The following PTPRG variants were observed in gnomAD, a reference collection of about 807,000 sequenced individuals.
PTPRG encodes the protein protein tyrosine phosphatase receptor type G.
A neutral mutation model predicts 165.3 loss-of-function variants in PTPRG; 102 were observed. The ratio of observed to expected loss-of-function variants is 0.62; its 90% CI spans 0.53 to 0.73. The LOEUF (loss-of-function observed/expected upper bound fraction) is 0.73, where lower values mean the gene tolerates loss of function less well. PTPRG is among the 30% of genes least tolerant of loss of function. The probability of loss-of-function intolerance (pLI) is 0.00; values close to 1 mark genes in which losing one functional copy is unlikely to be tolerated. For missense variants in PTPRG, 1,866 were observed against 1,861.4 expected (o/e 1.00, Z -0.05); for synonymous variants, 675 against 669.5 (o/e 1.01, Z -0.13).
intron 2 of PTPRG, among the ~76,000 whole-genome samples, chr3:61,865,773 T>C (rs2037389359): frequency 6.6e-6 from 1 of 152,196 alleles, no homozygotes; most frequent in African/African-American, 2.4e-5. Flanking sequence ...AGAAAATGTA[T>C]TTCCTCTGAT....
intron 1 of PTPRG, among the ~76,000 whole-genome samples, chr3:61,595,109 A>G (rs114192818): frequency 1.9e-3 from 296 of 152,230 alleles, no homozygotes; most frequent in African/African-American, 6.8e-3. Flanking sequence ...CTGTCTGGAC[A>G]TGCTGCATGT....
chr3:62,106,825 A>G (rs756487964), intron 5 of PTPRG, among the ~76,000 whole-genome samples: 10 of 152,156 alleles, frequency 6.6e-5, no homozygotes, highest in Non-Finnish European at 1.2e-4. Context: ...TTTTAATTGT[A>G]TCTATTTCCA....
intron 2 of PTPRG, among the ~76,000 whole-genome samples, chr3:61,852,963 A>T (rs1194773844): frequency 6.6e-6 from 1 of 152,180 alleles, no homozygotes; most frequent in Non-Finnish European, 1.5e-5. Flanking sequence ...TGCCTACCTG[A>T]CATCCATGTC....
chr3:61,879,659 G>A (rs2037833159), intron 2 of PTPRG, among the ~76,000 whole-genome samples: 1 of 152,146 alleles, frequency 6.6e-6, no homozygotes, highest in South Asian at 2.1e-4. Flanking sequence ...ACAAGAGCAT[G>A]TCATCTGTGA....
intron 1 of PTPRG, among the ~76,000 whole-genome samples, chr3:61,706,387 T>A (rs188740966): frequency 2.6e-3 from 395 of 152,186 alleles, no homozygotes; most frequent in African/African-American, 8.6e-3. Flanking sequence ...TTTTTTTTTT[T>A]ATAACATGTA....
chr3:62,177,429 C>T (rs765188839), intron 8 of PTPRG, among the ~76,000 whole-genome samples: 5 of 152,196 alleles, frequency 3.3e-5, no homozygotes, highest in Non-Finnish European at 7.3e-5. Flanking sequence ...TGTAGGTCAG[C>T]AATAGCTTCT....
intron 2 of PTPRG, among the ~76,000 whole-genome samples, chr3:61,815,436 T>G (rs747961994): frequency 2.0e-5 from 3 of 152,016 alleles, no homozygotes; most frequent in Non-Finnish European, 4.4e-5. Flanking sequence ...AAAAGAAATC[T>G]TATTGTTTCA....
Position 61,752,056 on chromosome 3 carries a change from C to T in PTPRG, c.190+3074C>T, listed in dbSNP as rs139110944. On this transcript the variant is annotated intron_variant, in intron 2 of 29. Coordinates refer to ENST00000474889, the MANE Select transcript of PTPRG (RefSeq NM_002841.4). ...GTAAAGTAAGTAGTTAATATTACTT[C>T]TTGCTTATTTTTGAGACTGTTATTA... Among the ~76,000 whole-genome samples the T allele has an allele frequency of 5.9e-5, 9 of 151,976 alleles. No homozygotes were observed. In the East Asian group the frequency reaches 1.4e-3, roughly 23 times the overall value.
At chr3:61,726,818 C>T (rs1011336014) in intron 1 of PTPRG, among the ~76,000 whole-genome samples, 3 of 152,096 alleles carry the variant, frequency 2.0e-5, no homozygotes, top group South Asian at 2.1e-4. Flanking sequence ...GAGGCCGAGG[C>T]GGGCGGATCA....
chr3:61,725,581 C>A (rs991965888), intron 1 of PTPRG, among the ~76,000 whole-genome samples: 1 of 152,040 alleles, frequency 6.6e-6, no homozygotes, highest in Non-Finnish European at 1.5e-5. Context: ...TGAATCTCAG[C>A]CTATACCACA....
intron 1 of PTPRG, among the ~76,000 whole-genome samples, chr3:61,731,474 G>A (rs1164487350): frequency 6.6e-6 from 1 of 150,426 alleles, no homozygotes; most frequent in South Asian, 2.1e-4. Context: ...TCAGCCTCCC[G>A]AGTAGCTGGG....
intron 2 of PTPRG, among the ~76,000 whole-genome samples, chr3:61,869,208 G>C (rs1327012206): frequency 1.3e-5 from 2 of 152,158 alleles, no homozygotes; most frequent in South Asian, 2.1e-4. Flanking sequence ...TCTACCTAGA[G>C]ATTGCCAACT....
intron 2 of PTPRG, among the ~76,000 whole-genome samples, chr3:61,844,049 C>T (rs1285915644): frequency 2.6e-5 from 4 of 151,252 alleles, no homozygotes; most frequent in Non-Finnish European, 4.4e-5. Context: ...CTGCAAATTC[C>T]GCCTCCCGGT....
At chr3:61,614,143 G>C (rs1701247401) in intron 1 of PTPRG, among the ~76,000 whole-genome samples, 1 of 152,056 alleles carries the variant, frequency 6.6e-6, no homozygotes, top group South Asian at 2.1e-4. Context: ...TTCGCCTGTT[G>C]TTCCTCACTC....
At chr3:61,858,418 T>C (rs1224854647) in intron 2 of PTPRG, among the ~76,000 whole-genome samples, 3 of 152,224 alleles carry the variant, frequency 2.0e-5, no homozygotes, top group Non-Finnish European at 4.4e-5. Flanking sequence ...CTAATTTTAT[T>C]TTTAAAAATG....
chr3:61,885,834 C>T (rs928170649), intron 2 of PTPRG, among the ~76,000 whole-genome samples: 2 of 148,462 alleles, frequency 1.3e-5, no homozygotes, highest in African/African-American at 5.0e-5. Flanking sequence ...GCATGTGTCA[C>T]CTCACCTTTC....
intron 5 of PTPRG, among the ~76,000 whole-genome samples, chr3:62,092,851 C>A (rs1380049307): frequency 6.6e-6 from 1 of 152,158 alleles, no homozygotes; most frequent in East Asian, 1.9e-4. Context: ...ACATAAGTTA[C>A]CATGTACAAC....
At chr3:61,896,837 C>G (rs1305872036) in intron 2 of PTPRG, among the ~76,000 whole-genome samples, 1 of 151,964 alleles carries the variant, frequency 6.6e-6, no homozygotes, top group Non-Finnish European at 1.5e-5. Flanking sequence ...AACAACTTTT[C>G]CCATGCTTAT....
At chr3:61,634,212 A>T (rs1325445723) in intron 1 of PTPRG, among the ~76,000 whole-genome samples, 1 of 151,734 alleles carries the variant, frequency 6.6e-6, no homozygotes, top group Admixed American at 6.6e-5. Flanking sequence ...AAATACCCAA[A>T]GTGCCAGGAT....
Sources: allele counts gnomAD v4.1 joint callset (sites outside exome capture counted in the v4.1 genomes callset), GRCh38; gene constraint gnomAD v4.1.1; transcripts MANE v1.5; gene names NCBI Gene and HGNC (gene_info 2026-07-23, HGNC 2026-07-21).